Variants in TENM4 observed in about 807,000 individuals in gnomAD.
TENM4 encodes the protein teneurin transmembrane protein 4, also known as teneurin-4.
TENM4 carries 82 observed loss-of-function variants against 243.3 expected under a neutral mutation model. The ratio of observed to expected loss-of-function variants is 0.34; its 90% CI spans 0.28 to 0.40. TENM4 has a LOEUF of 0.40. TENM4 is among the 10% of genes least tolerant of loss of function. The pLI, the probability that TENM4 is intolerant of heterozygous loss-of-function variation, is 1.00. For missense variants in TENM4, 3,138 were observed against 3,673.3 expected (o/e 0.85, Z 3.77); for synonymous variants, 1,412 against 1,456.3 (o/e 0.97, Z 0.69).
At chr11:79,435,313 T>C (rs1308172438) in intron 1 of TENM4, among the ~76,000 whole-genome samples, 3 of 152,170 alleles carry the variant, frequency 2.0e-5, no homozygotes, top group African/African-American at 7.2e-5. Context: ...ACATTTTCCA[T>C]ACAGAGAACA....
chr11:79,251,407 C>A (rs1404047257), intron 2 of TENM4, among the ~76,000 whole-genome samples: 1 of 152,168 alleles, frequency 6.6e-6, no homozygotes, highest in African/African-American at 2.4e-5. Flanking sequence ...TTTATATCAC[C>A]CGTGGGTTGC....
At chr11:78,729,681 T>A in intron 21 of TENM4, 38 bp from the exon 22 acceptor site, 1 of 1,562,420 alleles carries the variant, frequency 6.4e-7, no homozygotes, top group African/African-American at 1.4e-5. Flanking sequence ...GGGACGGTCG[T>A]CGACTCACCG....
chr11:78,693,001 C>T (rs959122618), intron 28 of TENM4, among the ~76,000 whole-genome samples: 18 of 149,572 alleles, frequency 1.2e-4, no homozygotes, highest in African/African-American at 4.6e-4. Flanking sequence ...TTTTCTGTCT[C>T]CTCCTAATAT....
chr11:79,060,418 C>T (rs1269210675), intron 6 of TENM4, among the ~76,000 whole-genome samples: 2 of 152,244 alleles, frequency 1.3e-5, no homozygotes, highest in Non-Finnish European at 2.9e-5. Context: ...CAGCTGCATG[C>T]AGCATCAGTG....
chr11:79,237,279 G>C (rs1864494845), intron 2 of TENM4, among the ~76,000 whole-genome samples: 1 of 152,062 alleles, frequency 6.6e-6, no homozygotes, highest in Non-Finnish European at 1.5e-5. Context: ...AGGGTGGAGA[G>C]ACAAGCTCCT....
At chr11:79,351,454 C>T (rs534791771) in intron 1 of TENM4, among the ~76,000 whole-genome samples, 1 of 152,104 alleles carries the variant, frequency 6.6e-6, no homozygotes, top group African/African-American at 2.4e-5. Context: ...ACCTGTAATC[C>T]CAGAACTTTG....
intron 2 of TENM4, among the ~76,000 whole-genome samples, chr11:79,245,832 C>T (rs1043990629): frequency 6.7e-6 from 1 of 148,792 alleles, no homozygotes; most frequent in Non-Finnish European, 1.5e-5. Context: ...CCCAGCTACT[C>T]GGGAGGTTGA....
At chr11:78,850,433 T>G (rs1858509013) in intron 12 of TENM4, among the ~76,000 whole-genome samples, 1 of 152,188 alleles carries the variant, frequency 6.6e-6, no homozygotes, top group Non-Finnish European at 1.5e-5. Context: ...AGAGTTACAA[T>G]TATATATTGG....
intron 8 of TENM4, among the ~76,000 whole-genome samples, chr11:78,890,268 C>G (rs547125): frequency 2.6e-5 from 4 of 152,054 alleles, no homozygotes; most frequent in Non-Finnish European, 5.9e-5. Context: ...AACCCACCCA[C>G]GGCAAGGCAG....
intron 25 of TENM4, among the ~76,000 whole-genome samples, chr11:78,715,753 G>A (rs1021914422): frequency 6.6e-6 from 1 of 152,216 alleles, no homozygotes; most frequent in African/African-American, 2.4e-5. Context: ...TCACAGGCTT[G>A]TCGTTGGGAT....
At chr11:79,135,229 C>T (rs1221946676) in intron 4 of TENM4, among the ~76,000 whole-genome samples, 2 of 151,880 alleles carry the variant, frequency 1.3e-5, no homozygotes, top group Admixed American at 6.6e-5. Context: ...GAAGGGCCAA[C>T]AAACATATGA....
chr11:79,008,010 A>C (rs1345042936), intron 6 of TENM4, among the ~76,000 whole-genome samples: 1 of 152,172 alleles, frequency 6.6e-6, no homozygotes, highest in Admixed American at 6.5e-5. Flanking sequence ...GCTCTTGGTC[A>C]GTGAATGGGA....
At chr11:79,289,384 G>C (rs1856315964) in intron 2 of TENM4, among the ~76,000 whole-genome samples, 1 of 152,204 alleles carries the variant, frequency 6.6e-6, no homozygotes, top group African/African-American at 2.4e-5. Context: ...CAGCTGCAGG[G>C]ACTGTTGCTG....
At chr11:79,419,805 G>A (rs570614428) in intron 1 of TENM4, among the ~76,000 whole-genome samples, 8 of 152,256 alleles carry the variant, frequency 5.3e-5, no homozygotes, top group East Asian at 1.9e-4. Context: ...AACTGGCTTC[G>A]TGGGTTGGCA....
At chr11:78,906,857 C>A (rs1856074945) in intron 6 of TENM4, among the ~76,000 whole-genome samples, 1 of 152,198 alleles carries the variant, frequency 6.6e-6, no homozygotes, top group Non-Finnish European at 1.5e-5. Flanking sequence ...GAGCCTAGAA[C>A]TGAGCAGATG....
intron 6 of TENM4, among the ~76,000 whole-genome samples, chr11:79,043,582 T>A (rs1859590729): frequency 6.6e-6 from 1 of 152,228 alleles, no homozygotes; most frequent in South Asian, 2.1e-4. Context: ...TGTTTGTCAC[T>A]GCACCATAAA....
chr11:79,002,195 G>A (rs1440169668), intron 6 of TENM4, among the ~76,000 whole-genome samples: 3 of 152,162 alleles, frequency 2.0e-5, no homozygotes, highest in South Asian at 2.1e-4. Flanking sequence ...TTCTGTAAAC[G>A]TGTGCACAGA....
intron 6 of TENM4, among the ~76,000 whole-genome samples, chr11:79,025,906 A>T (rs1303547946): frequency 1.3e-5 from 2 of 152,050 alleles, no homozygotes; most frequent in South Asian, 2.1e-4. Flanking sequence ...GGACACATGC[A>T]CTCTGCTTGT....
intron 1 of TENM4, among the ~76,000 whole-genome samples, chr11:79,303,251 G>A (rs1303158135): frequency 1.3e-5 from 2 of 152,284 alleles, no homozygotes; most frequent in African/African-American, 4.8e-5. Context: ...GTTAAATGTT[G>A]CATTGGCTAT....
Sources: allele counts gnomAD v4.1 joint callset (sites outside exome capture counted in the v4.1 genomes callset), GRCh38; gene constraint gnomAD v4.1.1; transcripts MANE v1.5; gene names NCBI Gene and HGNC (gene_info 2026-07-23, HGNC 2026-07-21).